Variants in AMPD2 observed in about 807,000 individuals in gnomAD.
AMPD2 encodes AMP deaminase 2.
AMPD2 carries 52 observed loss-of-function variants against 91.3 expected under a neutral mutation model. The observed-to-expected ratio is 0.57, with a 90% CI of 0.46 to 0.72. The LOEUF (loss-of-function observed/expected upper bound fraction) is 0.72, where lower values mean the gene tolerates loss of function less well. AMPD2 is among the 30% of genes least tolerant of loss of function. The pLI, the probability that AMPD2 is intolerant of heterozygous loss-of-function variation, is 0.00. For synonymous variants in AMPD2, 455 were observed against 456.4 expected, an observed-to-expected ratio of 1.00 and a Z score of 0.04; for missense variants, 822 against 1,122.3, an observed-to-expected ratio of 0.73 and a Z score of 3.82.
In AMPD2 at chr1:109,631,277, A is replaced by G. The variant is rs2101179868; in HGVS notation, c.*125A>G. On this transcript the variant is annotated 3_prime_UTR_variant, in exon 19 of 19. Transcript: ENST00000528667. ...TCTGTCTCTGTCTTGCATGTCTCCTACCATGTCACTGTCCCTGGGCCACCC... is the reference window on the plus strand; with the variant it reads ...TCTGTCTCTGTCTTGCATGTCTCCTGCCATGTCACTGTCCCTGGGCCACCC... The G allele has an allele frequency of 1.0e-6, 1 of 992,450 alleles. No homozygotes were observed. Among genetic ancestry groups the G allele is most frequent in the East Asian group, 2.6e-5 (1 of 38,164 alleles). The allele number at this position is 992,450 out of a possible 1,614,324, so 61.5% of individuals were successfully genotyped here.
chr1:109,630,081 C>A (rs1263528831), intron 16 of AMPD2, 152 bp from the exon 17 acceptor site: 12 of 1,355,054 alleles, frequency 8.9e-6, no homozygotes, highest in South Asian at 1.3e-5. Flanking sequence ...GGGGCCCCAA[C>A]TTGGATTTTG....
Position 109,625,617 on chromosome 1 carries a change from G to A in AMPD2, c.223-45G>A, listed in dbSNP as rs779170105. ...CCCCAGACTCTGTAGGAGAGTGCCC[G>A]AGGGCGGAGGGCCAGCCATGCTGAC... On this transcript the variant is annotated intron_variant, in intron 3 of 18. Coordinates refer to ENST00000528667, the MANE Select transcript of AMPD2 (RefSeq NM_001368809.2). The surrounding 1 kb of genome is among the most constrained non-coding windows in gnomAD (Gnocchi z 4.0). 6.8e-5 allele frequency: 110 copies of A among 1,608,964 alleles called. No individual in the cohort carries two copies. The highest frequency in any genetic ancestry group is 5.0e-4 in the Middle Eastern group (3 of 6,032).
At chr1:109,627,699 T>G in intron 9 of AMPD2, 75 bp from the exon 10 acceptor site, 5 of 1,587,596 alleles carry the variant, frequency 3.1e-6, no homozygotes, top group Non-Finnish European at 4.3e-6. Context: ...CTGCTCCCTC[T>G]GATCTGCTAC....
In AMPD2 at chr1:109,629,724, T is replaced by TA. The variant is rs1553230046; in HGVS notation, c.1863-72_1863-71insA. The TA allele has an allele frequency of 5.9e-6, 9 of 1,527,268 alleles. No homozygotes were observed. The African/African-American group carries it at 6.9e-5, about 12-fold the overall frequency. 94.6% of individuals were successfully genotyped at this position (1,527,268 alleles called of 1,614,324 possible). Reference sequence around the variant, plus strand: ...GGCTGGAGGACATATGCGTGCTGGGTGGGGGTCAGGGGCTCCGGTGAGCCC... The same window carrying TA: ...GGCTGGAGGACATATGCGTGCTGGGTAGGGGGTCAGGGGCTCCGGTGAGCCC... On this transcript the variant is annotated intron_variant, in intron 15 of 18. Coordinates refer to ENST00000528667, the MANE Select transcript of AMPD2 (RefSeq NM_001368809.2).
At chr1:109,621,443 GGGC>G in intron 2 of AMPD2, 177 bp downstream of exon 2, 1 of 662,238 alleles carries the variant, frequency 1.5e-6, no homozygotes, top group Non-Finnish European at 2.7e-6. Context: ...GGGTGGTGGG[GGGC>G]GGGGGGTGGA....
chr1:109,627,630 G>A (rs1650819298), intron 9 of AMPD2, 112 bp downstream of exon 9: 9 of 1,521,516 alleles, frequency 5.9e-6, no homozygotes, highest in African/African-American at 1.4e-5. Flanking sequence ...TAGTTGCTGA[G>A]CCCTCGACTT....
chr1:109,630,630 G>A, intron 17 of AMPD2, 53 bp from the exon 18 acceptor site: 1 of 1,505,422 alleles, frequency 6.6e-7, no homozygotes, highest in Non-Finnish European at 9.0e-7. Context: ...GGGGAAGGGA[G>A]GCAGGGGCAG....
Position 109,628,334 on chromosome 1 carries a change from G to A in AMPD2, c.1276-30G>A, listed in dbSNP as rs753081963. ...AGTCAGTCAGGGGACCAGGAGTCACGGGTGACCTGAGCCTTCCCATGTCCC... is the reference window on the plus strand; with the variant it reads ...AGTCAGTCAGGGGACCAGGAGTCACAGGTGACCTGAGCCTTCCCATGTCCC... On this transcript the variant is annotated intron_variant, in intron 11 of 18. Transcript: ENST00000528667. This position sits in a 1 kb window ranked among gnomAD's most constrained non-coding sequence, Gnocchi z 7.1. 10 of 1,613,606 alleles carry A rather than the reference G, an allele frequency of 6.2e-6. No homozygotes were observed. Among genetic ancestry groups the A allele is most frequent in the South Asian group, 1.1e-5 (1 of 91,054 alleles).
chr1:109,622,621 G>T (rs555410091), intron 2 of AMPD2, among the ~76,000 whole-genome samples: 7 of 152,288 alleles, frequency 4.6e-5, no homozygotes, highest in Admixed American at 4.6e-4. Context: ...GAACGTAGCG[G>T]TTACTGCCCG....
Position 109,621,263 on chromosome 1 carries a change from C to G in AMPD2, c.88C>G (p.Pro30Ala). 1.2e-6 allele frequency: 2 copies of G among 1,612,672 alleles called. No homozygotes were observed. The highest frequency in any genetic ancestry group is 2.2e-5 in the East Asian group (1 of 44,834). Residue 30 changes from proline to alanine, a missense_variant, in exon 2 of 19, where the codon CCA becomes GCA. Around this residue, in one of 5 missense-constraint regions of AMPD2, gnomAD observed 105 missense variants for 125.0 expected, o/e 0.84. Coordinates refer to ENST00000528667, the MANE Select transcript of AMPD2 (RefSeq NM_001368809.2). The stretch of plus-strand genomic sequence containing the variant: ...CAGCCTGCAGGCCTCCACTGCAGCT[C>G]CAGGTGAGTGTGTGCTTCCTGGCCT... ...RASLQASTAA[P>A]EARGGLGAPP...
chr1:109,621,561 T>C (rs1650279751), intron 2 of AMPD2: 1 of 540,578 alleles, frequency 1.8e-6, no homozygotes, highest in Admixed American at 3.1e-5. Context: ...GTGCATGTGC[T>C]AAGACTGCGT....
Position 109,625,345 on chromosome 1 carries a change from G to C in AMPD2, c.134G>C (p.Arg45Pro), listed in dbSNP as rs771577116. The change falls in exon 3 of 19, where the codon CGA becomes CCA. Residue 45 changes from arginine to proline, a missense_variant. Coordinates refer to ENST00000528667, the MANE Select transcript of AMPD2 (RefSeq NM_001368809.2). This position sits in a 1 kb window ranked among gnomAD's most constrained non-coding sequence, Gnocchi z 4.0. ...GGGGCCCCTCCGCTGCAGTCTGCCC[G>C]ATCCCTGCCGGGCCCCGCCCCCTGC... The part of the protein sequence containing the change: ...GLGAPPLQSA[R>P]SLPGPAPCLK... The C allele has an allele frequency of 3.1e-6, 5 of 1,613,386 alleles. No individual in the cohort carries two copies. The highest frequency in any genetic ancestry group is 4.2e-6 in the Non-Finnish European group (5 of 1,179,906).
Position 109,630,701 on chromosome 1 carries a change from T to C in AMPD2, c.2176T>C (p.Tyr726His), listed in dbSNP as rs1329966677. The C allele has an allele frequency of 1.9e-6, 3 of 1,611,474 alleles. No homozygotes were observed. Among genetic ancestry groups the C allele is most frequent in the African/African-American group, 2.7e-5 (2 of 74,752 alleles). Residue 726 changes from tyrosine to histidine, a missense_variant, in exon 18 of 19, where the codon TAC becomes CAC. Transcript: ENST00000528667. ...HFTKEPLMEE[Y>H]SIATQVWKLS... is the part of the protein sequence containing the mutation. ...CGTGCAGGAGCCGCTGATGGAGGAG[T>C]ACAGCATCGCCACCCAGGTGTGGAA... is the stretch of plus-strand genomic sequence containing the variant.
chr1:109,630,468 GGGTGGGGGGC>G (rs770035612), intron 17 of AMPD2, 62 bp downstream of exon 17: 2 of 1,522,158 alleles, frequency 1.3e-6, no homozygotes, highest in South Asian at 2.3e-5. Context: ...CTCCCGGGTT[GGGTGGGGGGC>G]GGTGGGGGGG....
rs373949539 is a variant in AMPD2, at chr1:109,629,529, C to T, written c.1862+39C>T. ...CCTGTGTCTGCTTGCTATGCCATCT[C>T]TCGCCCAACAAACCTCACTCTTGGC... On this transcript the variant is annotated intron_variant, in intron 15 of 18. Transcript: ENST00000528667. The T allele has an allele frequency of 9.3e-6, 15 of 1,604,434 alleles. No individual in the cohort carries two copies. The African/African-American group carries it at 2.0e-4, about 21-fold the overall frequency.
Position 109,625,314 on chromosome 1 carries a change from G to C in AMPD2, c.103G>C (p.Gly35Arg). The C allele has an allele frequency of 6.2e-7, 1 of 1,613,032 alleles. No individual in the cohort carries two copies. Among genetic ancestry groups the C allele is most frequent in the Non-Finnish European group, 8.5e-7 (1 of 1,179,744 alleles). Residue 35 changes from glycine (G) to arginine (R), a missense_variant, in exon 3 of 19, where the codon GGT (glycine) becomes CGT (arginine). Transcript: ENST00000528667. The surrounding 1 kb of genome is among the most constrained non-coding windows in gnomAD (Gnocchi z 4.0). ...ASTAAPEARGGLGAPPLQSAR... is the reference protein window; with the variant it reads ...ASTAAPEARGRLGAPPLQSAR... Reference sequence around the variant, plus strand: ...CACTGTCTCTGCAGAGGCTCGGGGTGGTCTGGGGGCCCCTCCGCTGCAGTC... The same window carrying C: ...CACTGTCTCTGCAGAGGCTCGGGGTCGTCTGGGGGCCCCTCCGCTGCAGTC...
intron 5 of AMPD2, 40 bp from the exon 6 acceptor site, chr1:109,626,279 T>C: frequency 6.2e-7 from 1 of 1,612,900 alleles, no homozygotes; most frequent in African/African-American, 1.3e-5. Context: ...CCTGCCCTTC[T>C]GCCGGCTCTA....
Position 109,620,033 on chromosome 1 carries a change from C to T in AMPD2, c.-508C>T. On this transcript the variant is annotated 5_prime_UTR_variant, in exon 1 of 19. Transcript: ENST00000528667. ...CCTCTCGATTGCAGGGTTGGGTGGT[C>T]GCGACACCGGGGTCGCCTTGAGGCC... 1 of 558,168 alleles carries T rather than the reference C, an allele frequency of 1.8e-6. No homozygotes were observed. The highest frequency in any genetic ancestry group is 3.2e-6 in the Non-Finnish European group (1 of 309,006). The allele number at this position is 558,168 out of a possible 1,614,324, so 34.6% of individuals were successfully genotyped here.
At chr1:109,627,651 T>G (rs1265297856) in intron 9 of AMPD2, 123 bp from the exon 10 acceptor site, 2 of 1,522,384 alleles carry the variant, frequency 1.3e-6, no homozygotes, top group Non-Finnish European at 1.8e-6. Flanking sequence ...CCCCGCAGTC[T>G]ACTTCCCTCT....
Sources: gnomAD v4.1 joint callset for allele counts (sites outside exome capture counted in the v4.1 genomes callset) on GRCh38, gnomAD v4.1.1 for gene constraint, gnomAD v4.1.1 regional missense constraint, Gnocchi (gnomAD v3.1) non-coding constraint, MANE v1.5 for transcripts, NCBI Gene and HGNC (gene_info 2026-07-23, HGNC 2026-07-21) for gene names.